Variants in ZNF385B observed in about 807,000 individuals in gnomAD.
ZNF385B encodes the protein zinc finger protein 533.
Under a neutral mutation model 39.2 loss-of-function variants are expected in ZNF385B, and 23 were observed. The observed-to-expected ratio is 0.59, with a 90% CI of 0.42 to 0.83. The LOEUF is 0.83. ZNF385B is among the 40% of genes least tolerant of loss of function. The pLI is 0.00. For missense variants in ZNF385B, 552 were observed against 598.9 expected, an observed-to-expected ratio of 0.92 and a Z score of 0.82; for synonymous variants, 205 against 222.6, an observed-to-expected ratio of 0.92 and a Z score of 0.70.
intron 5 of ZNF385B, among the ~76,000 whole-genome samples, chr2:179,503,273 T>G (rs943522989): frequency 2.0e-5 from 3 of 152,220 alleles, no homozygotes; most frequent in African/African-American, 4.8e-5. Flanking sequence ...TCTAAATCTC[T>G]ATGCTTCAAC....
intron 1 of ZNF385B, among the ~76,000 whole-genome samples, chr2:179,856,551 G>C (rs1169365237): frequency 6.7e-6 from 1 of 150,030 alleles, no homozygotes; most frequent in Non-Finnish European, 1.5e-5. Flanking sequence ...TTTGGAAGCA[G>C]TAGGAAAACA....
intron 3 of ZNF385B, among the ~76,000 whole-genome samples, chr2:179,645,909 C>G (rs1692678742): frequency 6.6e-6 from 1 of 152,120 alleles, no homozygotes; most frequent in African/African-American, 2.4e-5. Context: ...CTGTAGAGGT[C>G]AAAGGTTTTC....
intron 3 of ZNF385B, among the ~76,000 whole-genome samples, chr2:179,674,916 AC>A (rs1696539191): frequency 6.6e-6 from 1 of 152,126 alleles, no homozygotes; most frequent in Non-Finnish European, 1.5e-5. Flanking sequence ...ATCCTATCTA[AC>A]CCATGCAAAA....
chr2:179,707,385 T>A (rs1292331495), intron 3 of ZNF385B, among the ~76,000 whole-genome samples: 1 of 152,096 alleles, frequency 6.6e-6, no homozygotes, highest in African/African-American at 2.4e-5. Context: ...GGACCAGCCA[T>A]CCCCCTCTTA....
At chr2:179,596,498 C>T (rs1688009679) in intron 3 of ZNF385B, among the ~76,000 whole-genome samples, 1 of 152,152 alleles carries the variant, frequency 6.6e-6, no homozygotes, top group Non-Finnish European at 1.5e-5. Context: ...CAGACTGAGG[C>T]CACATCTACA....
intron 3 of ZNF385B, among the ~76,000 whole-genome samples, chr2:179,658,819 C>G (rs184835634): frequency 5.3e-5 from 8 of 152,018 alleles, no homozygotes; most frequent in Non-Finnish European, 8.8e-5. Flanking sequence ...CACTCGTTTC[C>G]CAGGCTGGAG....
chr2:179,455,876 T>C (rs1383048839), intron 6 of ZNF385B, among the ~76,000 whole-genome samples: 1 of 78,668 alleles, frequency 1.3e-5, no homozygotes, highest in Non-Finnish European at 2.4e-5. Context: ...CGAGACTGCA[T>C]CTCAAAAAAA....
chr2:179,719,681 T>C (rs1700558379), intron 3 of ZNF385B, among the ~76,000 whole-genome samples: 1 of 152,230 alleles, frequency 6.6e-6, no homozygotes, highest in Admixed American at 6.5e-5. Flanking sequence ...GGGAACAGCA[T>C]GTTAACATGA....
chr2:179,653,550 T>G (rs990220844), intron 3 of ZNF385B, among the ~76,000 whole-genome samples: 9 of 152,150 alleles, frequency 5.9e-5, no homozygotes, highest in African/African-American at 2.2e-4. Context: ...TCTCTGTAAG[T>G]AGGTCCTTAA....
At chr2:179,824,856 C>T (rs1168847509) in intron 1 of ZNF385B, among the ~76,000 whole-genome samples, 1 of 151,060 alleles carries the variant, frequency 6.6e-6, no homozygotes, top group African/African-American at 2.4e-5. Flanking sequence ...TTATGCTTTG[C>T]TCTTATGTGG....
intron 1 of ZNF385B, among the ~76,000 whole-genome samples, chr2:179,797,697 T>G (rs2106549455): frequency 6.6e-6 from 1 of 152,252 alleles, no homozygotes; most frequent in East Asian, 1.9e-4. Flanking sequence ...TTTAATGCAT[T>G]CATTCATTTT....
intron 6 of ZNF385B, among the ~76,000 whole-genome samples, chr2:179,477,171 A>T (rs2053522941): frequency 6.6e-6 from 1 of 152,200 alleles, no homozygotes; most frequent in Non-Finnish European, 1.5e-5. Flanking sequence ...AACAACACAT[A>T]AAAACTATGA....
intron 6 of ZNF385B, among the ~76,000 whole-genome samples, chr2:179,450,111 T>C (rs1468606801): frequency 3.2e-4 from 49 of 151,764 alleles, no homozygotes; most frequent in Admixed American, 5.9e-4. Context: ...TCAAGATGGA[T>C]TAAAGACTTA....
chr2:179,753,606 T>C (rs575366409), intron 3 of ZNF385B, among the ~76,000 whole-genome samples: 2 of 152,326 alleles, frequency 1.3e-5, no homozygotes, highest in African/African-American at 4.8e-5. Flanking sequence ...TCCTCTTTCA[T>C]TTCGTTGAGC....
intron 1 of ZNF385B, among the ~76,000 whole-genome samples, chr2:179,835,612 C>T (rs1342440695): frequency 6.6e-6 from 1 of 152,114 alleles, no homozygotes; most frequent in Admixed American, 6.5e-5. Flanking sequence ...CCTGTCAGTT[C>T]TCAATTCCTA....
intron 3 of ZNF385B, chr2:179,562,395 T>C (rs768147848): frequency 1.8e-4 from 182 of 985,298 alleles, no homozygotes; most frequent in Non-Finnish European, 2.1e-4. Context: ...TTAGCAGTGC[T>C]TACCTTTGTT....
intron 3 of ZNF385B, among the ~76,000 whole-genome samples, chr2:179,766,943 G>T (rs73048507): frequency 8.6e-5 from 12 of 138,940 alleles, no homozygotes; most frequent in African/African-American, 3.0e-4. Context: ...AAAGCCCCCC[G>T]CAGTCCACTC....
chr2:179,443,324 G>T lies in ZNF385B; in HGVS notation c.1387C>A (p.Pro463Thr). ...TGCCCAGGCCTCAGAAGAGCTGGAGGAATGGCTGGAGCCTGGAAGAGCGAG... is the reference window on the plus strand; with the variant it reads ...TGCCCAGGCCTCAGAAGAGCTGGAGTAATGGCTGGAGCCTGGAAGAGCGAG... ...SASLFQAPAI[P>T]PALLRPGHGP... The change falls in exon 10 of 10, where the codon CCT becomes ACT. Residue 463 changes from proline to threonine, a missense_variant. By Grantham distance (38) the Pro-to-Thr change is conservative (BLOSUM62 -1). Coordinates refer to ENST00000410066, the MANE Select transcript of ZNF385B (RefSeq NM_152520.6). 1 of 1,612,962 alleles carries T rather than the reference G, an allele frequency of 6.2e-7. No individual in the cohort carries two copies. Among genetic ancestry groups the T allele is most frequent in the South Asian group, 1.1e-5 (1 of 91,010 alleles).
chr2:179,624,928 G>A lies in ZNF385B; in HGVS notation c.299-79959C>T, dbSNP rs138621488. ...CCGTTAAATTCTGGTTGTGATAGGT[G>A]GTATCTGGGGAGAATTGTTTGAACA... On this transcript the variant is annotated intron_variant, in intron 3 of 9. Coordinates refer to ENST00000410066, the MANE Select transcript of ZNF385B (RefSeq NM_152520.6). Among the ~76,000 whole-genome samples the A allele has an allele frequency of 3.1e-3, 471 of 151,010 alleles. 2 individuals are homozygous for A. Among genetic ancestry groups the A allele is most frequent in the African/African-American group, 0.011 (452 of 41,038 alleles).
Sources: allele counts gnomAD v4.1 joint callset (sites outside exome capture counted in the v4.1 genomes callset), GRCh38; gene constraint gnomAD v4.1.1; transcripts MANE v1.5; gene names NCBI Gene and HGNC (gene_info 2026-07-23, HGNC 2026-07-21).